Variants in RAPGEF4 observed in about 807,000 individuals in gnomAD.
The protein encoded by RAPGEF4 is RAP guanine-nucleotide-exchange factor (GEF) 4.
RAPGEF4 carries 66 observed loss-of-function variants against 147.9 expected under a neutral mutation model. That is an observed-to-expected ratio of 0.45 (90% CI 0.37 to 0.55). The LOEUF is 0.55. Among genes scored for constraint, RAPGEF4 ranks in the 20% least tolerant of loss-of-function variants. The pLI, the probability that RAPGEF4 is intolerant of heterozygous loss-of-function variation, is 0.00. For missense variants in RAPGEF4, 1,071 were observed against 1,257.3 expected, an observed-to-expected ratio of 0.85 and a Z score of 2.24; for synonymous variants, 419 against 442.7, an observed-to-expected ratio of 0.95 and a Z score of 0.67.
chr2:172,781,403 G>A (rs1369212411), intron 1 of RAPGEF4, among the ~76,000 whole-genome samples: 1 of 152,082 alleles, frequency 6.6e-6, no homozygotes, highest in Non-Finnish European at 1.5e-5. Context: ...CAGCACTTTG[G>A]GAGGCCAAGG....
rs865855513 is a variant in RAPGEF4, at chr2:173,024,723, G to C, written c.2254-1849G>C. ...ATCCAAGTCTACACAGTTAGAGTAGGGTTTATATTCAGAGTCACTTGCTCT... is the reference window on the plus strand; with the variant it reads ...ATCCAAGTCTACACAGTTAGAGTAGCGTTTATATTCAGAGTCACTTGCTCT... On this transcript the variant is annotated intron_variant, in intron 23 of 30. Coordinates refer to ENST00000397081, the MANE Select transcript of RAPGEF4 (RefSeq NM_007023.4). 1.3e-4 allele frequency among the ~76,000 whole-genome samples: 20 copies of C among 152,284 alleles called. No homozygotes were observed. The Middle Eastern group carries it at 0.01, about 78-fold the overall frequency.
intron 10 of RAPGEF4, among the ~76,000 whole-genome samples, chr2:172,973,440 T>C (rs1292092607): frequency 6.6e-6 from 1 of 152,038 alleles, no homozygotes. Context: ...AGCAAAAAAA[T>C]AATATTTTAA....
rs1324286791 is a variant in RAPGEF4, at chr2:172,736,132, G to T, written c.65+84G>T. 2.1e-5 allele frequency: 24 copies of T among 1,139,406 alleles called. No individual in the cohort carries two copies. The Middle Eastern group carries it at 1.0e-3, about 48-fold the overall frequency. 70.6% of individuals were successfully genotyped at this position (1,139,406 alleles called of 1,614,324 possible). On this transcript the variant is annotated intron_variant, in intron 1 of 30. Transcript: ENST00000397081. ...GACCGCCGCAGCTCCGCACCTGGGC[G>T]CAGCGCGGCCGGGCTGCGGGTGGCC...
intron 18 of RAPGEF4, among the ~76,000 whole-genome samples, chr2:173,015,883 T>A (rs1303000000): frequency 6.6e-6 from 1 of 152,062 alleles, no homozygotes; most frequent in Non-Finnish European, 1.5e-5. Flanking sequence ...ACCAAAATAA[T>A]GTGAAAACGA....
At chr2:172,774,274 G>A (rs2149494435) in intron 1 of RAPGEF4, among the ~76,000 whole-genome samples, 1 of 152,182 alleles carries the variant, frequency 6.6e-6, no homozygotes, top group East Asian at 1.9e-4. Flanking sequence ...GAAAATGATG[G>A]CTCTGATTTT....
At chr2:173,007,042 A>G (rs1173689440) in intron 17 of RAPGEF4, among the ~76,000 whole-genome samples, 4 of 152,198 alleles carry the variant, frequency 2.6e-5, no homozygotes, top group Non-Finnish European at 4.4e-5. Flanking sequence ...TTTCATATAC[A>G]TGTTCTCGGC....
chr2:172,809,036 A>G (rs944176008), intron 3 of RAPGEF4, among the ~76,000 whole-genome samples: 1 of 152,204 alleles, frequency 6.6e-6, no homozygotes, highest in African/African-American at 2.4e-5. Flanking sequence ...GACAGTGCTC[A>G]TGACTTAACT....
At chr2:172,886,061 CTTGT>C (rs1559097818) in intron 4 of RAPGEF4, among the ~76,000 whole-genome samples, 2 of 152,116 alleles carry the variant, frequency 1.3e-5, no homozygotes, top group Admixed American at 1.3e-4. Context: ...CTCTGTGGGA[CTTGT>C]TTATTTGCAC....
chr2:172,984,131 A>G (rs945430287), intron 11 of RAPGEF4, among the ~76,000 whole-genome samples: 1 of 152,312 alleles, frequency 6.6e-6, no homozygotes, highest in East Asian at 1.9e-4. Flanking sequence ...TTACCTGATT[A>G]GAGTATTTAG....
At chr2:173,002,284 TATC>T (rs910504948) in intron 17 of RAPGEF4, among the ~76,000 whole-genome samples, 72 of 152,324 alleles carry the variant, frequency 4.7e-4, no homozygotes, top group African/African-American at 1.7e-3. Context: ...TACTTTTTAT[TATC>T]ATCTTACTGA....
intron 3 of RAPGEF4, among the ~76,000 whole-genome samples, chr2:172,804,244 T>C (rs1302227330): frequency 6.6e-6 from 1 of 152,240 alleles, no homozygotes; most frequent in African/African-American, 2.4e-5. Flanking sequence ...CCTTCCTGTT[T>C]CAAGTTAATA....
At chr2:172,831,811 C>T (rs1158157929) in intron 4 of RAPGEF4, among the ~76,000 whole-genome samples, 1 of 152,096 alleles carries the variant, frequency 6.6e-6, no homozygotes, top group Non-Finnish European at 1.5e-5. Context: ...TACTAATTTT[C>T]GAAGACGTTA....
chr2:172,965,812 A>G, intron 9 of RAPGEF4, 129 bp downstream of exon 9: 1 of 1,165,122 alleles, frequency 8.6e-7, no homozygotes, highest in Non-Finnish European at 1.2e-6. Context: ...CAGAGCTAGC[A>G]TCTTCATTTA....
chr2:172,736,162 T>A, intron 1 of RAPGEF4, 114 bp downstream of exon 1: 1 of 793,008 alleles, frequency 1.3e-6, no homozygotes, highest in South Asian at 4.2e-5. Context: ...GTGGCCGGGG[T>A]CCCCGAGCGG....
intron 4 of RAPGEF4, among the ~76,000 whole-genome samples, chr2:172,849,394 G>A (rs1692571538): frequency 6.6e-6 from 1 of 152,164 alleles, no homozygotes; most frequent in African/African-American, 2.4e-5. Flanking sequence ...TGAATGATGT[G>A]GCCAGAAGGC....
chr2:172,900,494 C>G (rs1698958438), intron 4 of RAPGEF4, among the ~76,000 whole-genome samples: 1 of 152,164 alleles, frequency 6.6e-6, no homozygotes, highest in African/African-American at 2.4e-5. Flanking sequence ...CTACCTCAGC[C>G]TCCTGAAGTG....
intron 5 of RAPGEF4, among the ~76,000 whole-genome samples, chr2:172,921,292 C>T (rs540246272): frequency 3.9e-5 from 6 of 152,076 alleles, no homozygotes; most frequent in South Asian, 4.2e-4. Flanking sequence ...TTCACCATGT[C>T]GGCCAGGCTG....
chr2:172,777,528 A>G (rs1332117432), intron 1 of RAPGEF4, among the ~76,000 whole-genome samples: 1 of 152,180 alleles, frequency 6.6e-6, no homozygotes, highest in African/African-American at 2.4e-5. Context: ...ATTGTCTGCC[A>G]CATCTCTCCA....
At chr2:173,007,388 A>G (rs1397606721) in intron 17 of RAPGEF4, among the ~76,000 whole-genome samples, 2 of 152,220 alleles carry the variant, frequency 1.3e-5, no homozygotes, top group African/African-American at 4.8e-5. Context: ...CAAAGTTAGT[A>G]GGTACACACA....
Sources: gnomAD v4.1 joint callset for allele counts (sites outside exome capture counted in the v4.1 genomes callset) on GRCh38, gnomAD v4.1.1 for gene constraint, MANE v1.5 for transcripts, NCBI Gene and HGNC (gene_info 2026-07-23, HGNC 2026-07-21) for gene names.